Variants in LRP1B observed in about 807,000 individuals in gnomAD.
The protein encoded by LRP1B is LDL receptor related protein 1B, also known as low-density lipoprotein receptor-related protein 1B.
In LRP1B, 217 loss-of-function variants were observed where a neutral mutation model predicts 556.6. The ratio of observed to expected loss-of-function variants is 0.39; its 90% confidence interval spans 0.35 to 0.44. The LOEUF (loss-of-function observed/expected upper bound fraction) is 0.44, where lower values mean the gene tolerates loss of function less well. LRP1B is among the 20% of genes least tolerant of loss of function. The probability of loss-of-function intolerance (pLI) is 1.00; values close to 1 mark genes in which losing one functional copy is unlikely to be tolerated. For synonymous variants in LRP1B, 2,047 were observed against 1,865.8 expected (o/e 1.10, Z -2.50); for missense variants, 5,053 against 5,620.8 (o/e 0.90, Z 3.23).
intron 2 of LRP1B, among the ~76,000 whole-genome samples, chr2:141,562,062 GA>G (rs1686173341): frequency 6.6e-6 from 1 of 151,786 alleles, no homozygotes; most frequent in African/African-American, 2.4e-5. Context: ...CAGCCTCCAG[GA>G]ATCTACAATT....
chr2:140,246,962 T>A (rs1681191496), intron 87 of LRP1B, 124 bp downstream of exon 87: 1 of 642,076 alleles, frequency 1.6e-6, no homozygotes, highest in South Asian at 1.8e-5. Context: ...AACACCTCAA[T>A]TGCAGTGGAT....
intron 2 of LRP1B, among the ~76,000 whole-genome samples, chr2:141,519,401 A>T (rs1321756393): frequency 4.4e-5 from 1 of 22,614 alleles, no homozygotes; most frequent in Non-Finnish European, 9.7e-5. Flanking sequence ...ATATATATAT[A>T]TGAAATGCAA....
intron 1 of LRP1B, among the ~76,000 whole-genome samples, chr2:142,079,748 A>G (rs1006944314): frequency 3.3e-5 from 5 of 152,092 alleles, no homozygotes; most frequent in African/African-American, 1.2e-4. Context: ...GACCTCAGGT[A>G]ATCCACTCAC....
chr2:141,613,835 G>A (rs1205151828), intron 2 of LRP1B, among the ~76,000 whole-genome samples: 3 of 152,000 alleles, frequency 2.0e-5, no homozygotes, highest in Admixed American at 2.0e-4. Context: ...CACTTTGGGA[G>A]GCCAAGGCAG....
chr2:141,562,809 C>G (rs972289136), intron 2 of LRP1B, among the ~76,000 whole-genome samples: 2 of 151,980 alleles, frequency 1.3e-5, no homozygotes, highest in African/African-American at 4.8e-5. Context: ...AGACTCCATT[C>G]TGTAGACAAC....
intron 43 of LRP1B, among the ~76,000 whole-genome samples, chr2:140,551,923 T>G (rs1680560988): frequency 6.6e-6 from 1 of 152,180 alleles, no homozygotes; most frequent in Admixed American, 6.6e-5. Flanking sequence ...CAATACATAA[T>G]TTAATCTACA....
chr2:140,984,052 A>G (rs907462779), intron 17 of LRP1B, among the ~76,000 whole-genome samples: 2 of 151,838 alleles, frequency 1.3e-5, no homozygotes, highest in African/African-American at 2.4e-5. Context: ...TGAGAAAAAA[A>G]CTATATATGT....
intron 50 of LRP1B, 32 bp downstream of exon 50, chr2:140,516,857 T>C: frequency 6.2e-7 from 1 of 1,608,410 alleles, no homozygotes; most frequent in Non-Finnish European, 8.5e-7. Flanking sequence ...ATAGTAAGGT[T>C]AACAAAAACT....
intron 35 of LRP1B, among the ~76,000 whole-genome samples, chr2:140,752,331 T>TG (rs762926451): frequency 4.4e-5 from 6 of 135,364 alleles, no homozygotes; most frequent in Non-Finnish European, 8.0e-5. Context: ...ACTTTTTTTT[T>TG]TTTTTTTTAA....
intron 31 of LRP1B, among the ~76,000 whole-genome samples, chr2:140,832,012 G>A (rs894965573): frequency 1.3e-5 from 2 of 152,126 alleles, no homozygotes. Context: ...AAAAAGACAA[G>A]AAGTAACAGT....
intron 7 of LRP1B, among the ~76,000 whole-genome samples, chr2:141,087,365 T>A (rs1256674216): frequency 6.6e-6 from 1 of 152,160 alleles, no homozygotes; most frequent in African/African-American, 2.4e-5. Flanking sequence ...GGAGGGAACA[T>A]CTCTCCATAC....
intron 2 of LRP1B, among the ~76,000 whole-genome samples, chr2:141,689,242 C>T (rs1209283995): frequency 2.0e-5 from 3 of 151,742 alleles, no homozygotes; most frequent in Admixed American, 6.6e-5. Context: ...TACTATTCTT[C>T]ATAAGAGGAA....
At chr2:141,648,209 T>C (rs1332171286) in intron 2 of LRP1B, among the ~76,000 whole-genome samples, 1 of 152,208 alleles carries the variant, frequency 6.6e-6, no homozygotes, top group Non-Finnish European at 1.5e-5. Context: ...GCAATGAGGA[T>C]GCCTGAATTC....
At chr2:140,529,394 A>G (rs1690579509) in intron 47 of LRP1B, among the ~76,000 whole-genome samples, 1 of 145,998 alleles carries the variant, frequency 6.8e-6, no homozygotes, top group African/African-American at 2.5e-5. Flanking sequence ...CTCTCTTCCA[A>G]CATCCCTTAC....
chr2:141,951,091 T>C (rs1239524650), intron 1 of LRP1B, among the ~76,000 whole-genome samples: 1 of 152,192 alleles, frequency 6.6e-6, no homozygotes, highest in African/African-American at 2.4e-5. Flanking sequence ...TGTCCCATAG[T>C]GATAATGGCT....
chr2:141,617,005 T>C (rs1200510466), intron 2 of LRP1B, among the ~76,000 whole-genome samples: 1 of 152,234 alleles, frequency 6.6e-6, no homozygotes, highest in East Asian at 1.9e-4. Context: ...GGTTCTTGCA[T>C]AAACATTAAT....
chr2:141,499,474 T>C (rs1236789678), intron 2 of LRP1B, among the ~76,000 whole-genome samples: 8 of 152,212 alleles, frequency 5.3e-5, no homozygotes, highest in African/African-American at 1.7e-4. Flanking sequence ...AAATCCTGCT[T>C]GGATATATTT....
At chr2:140,966,906 C>A (rs1276327771) in intron 18 of LRP1B, among the ~76,000 whole-genome samples, 5 of 152,070 alleles carry the variant, frequency 3.3e-5, no homozygotes, top group Admixed American at 6.6e-5. Flanking sequence ...GTCTGTATCT[C>A]TGTTTTGGTA....
intron 2 of LRP1B, among the ~76,000 whole-genome samples, chr2:141,699,856 A>G (rs1441585543): frequency 6.7e-6 from 1 of 148,414 alleles, no homozygotes; most frequent in Non-Finnish European, 1.5e-5. Flanking sequence ...AGAAATGGTA[A>G]AAGCAAAACT....
Sources: allele counts gnomAD v4.1 joint callset (sites outside exome capture counted in the v4.1 genomes callset), GRCh38; gene constraint gnomAD v4.1.1; transcripts MANE v1.5; gene names NCBI Gene and HGNC (gene_info 2026-07-23, HGNC 2026-07-21).